The following CHFR variants were observed in gnomAD, a reference collection of about 807,000 sequenced individuals.
The protein encoded by CHFR is checkpoint with forkhead and ring finger domains.
Under a neutral mutation model 87.6 loss-of-function variants are expected in CHFR, and 57 were observed. That is an observed-to-expected ratio of 0.65 (90% CI 0.53 to 0.81). The LOEUF is 0.81. Among genes scored for constraint, CHFR ranks in the 30% least tolerant of loss-of-function variants. CHFR has a pLI of 0.00. For missense variants in CHFR, 797 were observed against 865.8 expected, an observed-to-expected ratio of 0.92 and a Z score of 1.00; for synonymous variants, 381 against 359.2, an observed-to-expected ratio of 1.06 and a Z score of -0.69.
chr12:132,843,176 G>T, intron 16 of CHFR, 93 bp from the exon 17 acceptor site: 2 of 1,161,848 alleles, frequency 1.7e-6, no homozygotes, highest in East Asian at 4.9e-5. Flanking sequence ...GACAGACGCT[G>T]CGGTGGAAAC....
chr12:132,878,053 T>G (rs1000968375), intron 2 of CHFR, among the ~76,000 whole-genome samples: 1 of 152,056 alleles, frequency 6.6e-6, no homozygotes, highest in Middle Eastern at 3.4e-3. Context: ...CTGCCCACCT[T>G]GGCCTCCCAA....
At chr12:132,862,439 A>G (rs1951233271) in intron 6 of CHFR, 2 of 452,378 alleles carry the variant, frequency 4.4e-6, no homozygotes, top group Admixed American at 2.4e-5. Flanking sequence ...CAAAAAATAC[A>G]AAAAAGAAAA....
At chr12:132,887,378 C>G in intron 1 of CHFR, 38 bp from the exon 2 acceptor site, 5 of 1,267,798 alleles carry the variant, frequency 3.9e-6, no homozygotes, top group Non-Finnish European at 5.0e-6. Flanking sequence ...AGACTCCCGA[C>G]CCCAGAGGCC....
intron 6 of CHFR, among the ~76,000 whole-genome samples, chr12:132,862,710 G>C (rs1387957027): frequency 6.6e-6 from 1 of 151,880 alleles, no homozygotes; most frequent in African/African-American, 2.4e-5. Flanking sequence ...CTCCCAAGTA[G>C]CTGGGACTAC....
At chr12:132,884,332 T>C (rs886229955) in intron 2 of CHFR, among the ~76,000 whole-genome samples, 11 of 151,646 alleles carry the variant, frequency 7.3e-5, no homozygotes, top group African/African-American at 2.4e-4. Flanking sequence ...GGCAGGAGAA[T>C]TGCTTGAACC....
At chr12:132,853,816 T>A in intron 10 of CHFR, 1 of 507,058 alleles carries the variant, frequency 2.0e-6, no homozygotes, top group East Asian at 3.8e-5. Context: ...TGGAGCCCCA[T>A]CCCCAGGGTC....
intron 8 of CHFR, among the ~76,000 whole-genome samples, chr12:132,858,862 C>CG (rs1442429451): frequency 6.6e-6 from 1 of 150,676 alleles, no homozygotes; most frequent in Non-Finnish European, 1.5e-5. Context: ...GAGAACCGCT[C>CG]AATCCTGGGA....
chr12:132,845,464 A>G (rs12812091), intron 15 of CHFR, among the ~76,000 whole-genome samples: 2 of 144,866 alleles, frequency 1.4e-5, no homozygotes, highest in South Asian at 4.5e-4. Flanking sequence ...TCTCAAAAAA[A>G]AAAATAAATA....
At chr12:132,862,919 CAG>C (rs1229776585) in intron 6 of CHFR, among the ~76,000 whole-genome samples, 1 of 149,288 alleles carries the variant, frequency 6.7e-6, no homozygotes, top group South Asian at 2.1e-4. Context: ...TTTTTTGAGA[CAG>C]AGTCTCACTC....
chr12:132,869,714 G>T lies in CHFR; in HGVS notation c.488C>A (p.Pro163Gln), dbSNP rs1951440531. The T allele has an allele frequency of 6.4e-7, 1 of 1,551,632 alleles. No homozygotes were observed. ...SPATQVCFEE[P>Q]QPSTSTSDLF... Reference sequence around the variant, plus strand: ...GTCTGACGTCGATGTTGATGGCTGTGGTTCCTCAAAGCACACCTGAGTGGC... The same window carrying T: ...GTCTGACGTCGATGTTGATGGCTGTTGTTCCTCAAAGCACACCTGAGTGGC... Residue 163 changes from proline (P) to glutamine (Q), a missense_variant, in exon 6 of 18, where the codon CCA becomes CAA. Pro to Gln is a moderately conservative substitution (Grantham distance 76, BLOSUM62 -1). This residue lies in a region of CHFR where 597 missense variants were observed against 601.2 expected (regional missense o/e 0.99). Transcript: ENST00000450056.
chr12:132,887,331 G>A lies in CHFR; in HGVS notation c.-3C>T. ...TTGCCTTCCTCGGGCCGCTCCATCG[G>A]GATTCACATCTGCGGAGACCCCGGA... On this transcript the variant is annotated 5_prime_UTR_variant, in exon 2 of 18. Transcript: ENST00000450056. 1.4e-6 allele frequency: 2 copies of A among 1,460,316 alleles called. No individual in the cohort carries two copies. Among genetic ancestry groups the A allele is most frequent in the Non-Finnish European group, 1.8e-6 (2 of 1,112,036 alleles). 90.5% of individuals were successfully genotyped at this position (1,460,316 alleles called of 1,614,324 possible).
At chr12:132,885,782 G>A (rs542188772) in intron 2 of CHFR, among the ~76,000 whole-genome samples, 2 of 152,134 alleles carry the variant, frequency 1.3e-5, no homozygotes, top group Non-Finnish European at 2.9e-5. Context: ...GAAAGATGTC[G>A]TTAGCCCAGA....
At position 132,872,337 on chromosome 12, in the gene CHFR, T is replaced by C. The variant is rs1951509715; in HGVS notation, c.291A>G (p.Leu97=). 6.2e-7 allele frequency: 1 copy of C among 1,613,586 alleles called. No homozygotes were observed. The highest frequency in any genetic ancestry group is 1.3e-5 in the African/African-American group (1 of 74,920). The change falls in exon 4 of 18, where the codon TTA becomes TTG. Residue 97 remains leucine, a synonymous_variant. Transcript: ENST00000450056. Reference sequence around the variant, plus strand: ...CCAAGTAGATGACATCCCCAGTCTGTAAAGGGCATGTCTGCTTCTTAACAA... The same window carrying C: ...CCAAGTAGATGACATCCCCAGTCTGCAAAGGGCATGTCTGCTTCTTAACAA... The part of the protein sequence containing the change: ...LKVVKKQTCP[L]QTGDVIYLVY...
At chr12:132,872,000 G>A (rs1249586495) in intron 4 of CHFR, 2 of 382,188 alleles carry the variant, frequency 5.2e-6, no homozygotes, top group Admixed American at 8.5e-5. Context: ...TTCTTCTCCT[G>A]TAGAACCCAA....
intron 13 of CHFR, 107 bp downstream of exon 13, chr12:132,848,534 T>C: frequency 1.2e-6 from 1 of 839,614 alleles, no homozygotes; most frequent in Non-Finnish European, 1.9e-6. Flanking sequence ...AACAGTGGCC[T>C]CATCCCTATA....
At chr12:132,876,418 T>G (rs1264440663) in intron 3 of CHFR, among the ~76,000 whole-genome samples, 1 of 152,176 alleles carries the variant, frequency 6.6e-6, no homozygotes, top group East Asian at 1.9e-4. Flanking sequence ...ATTTCAGAAT[T>G]TTGATTCAGA....
intron 14 of CHFR, 167 bp from the exon 15 acceptor site, chr12:132,847,297 C>A (rs930779004): frequency 1.5e-6 from 2 of 1,379,306 alleles, no homozygotes; most frequent in East Asian, 2.8e-5. Context: ...GCCTGCAGCA[C>A]GAGAAGTCTT....
chr12:132,853,875 G>C (rs1327398449), intron 10 of CHFR: 1 of 408,358 alleles, frequency 2.4e-6, no homozygotes, highest in Non-Finnish European at 4.4e-6. Flanking sequence ...CCAGAGCAGG[G>C]CAAGGGCCAG....
Position 132,839,562 on chromosome 12 carries a change from C to G in CHFR, c.*1992G>C, listed in dbSNP as rs1208198011. On this transcript the variant is annotated 3_prime_UTR_variant, in exon 18 of 18. Coordinates refer to ENST00000450056, the MANE Select transcript of CHFR (RefSeq NM_001161346.2). ...CCCGCACTAACTCAGGACCTCCCCT[C>G]TTGGCCTCACCCCTGCACAAATTTG... 1 of 160,230 alleles carries G rather than the reference C, an allele frequency of 6.2e-6. No individual in the cohort carries two copies. The highest frequency in any genetic ancestry group is 1.3e-5 in the Non-Finnish European group (1 of 75,940). 9.9% of individuals were successfully genotyped at this position (160,230 alleles called of 1,614,324 possible). A position where few individuals can be genotyped will look rare whatever the true frequency, so the allele number is the denominator to read the frequency against.
Sources: allele counts gnomAD v4.1 joint callset (sites outside exome capture counted in the v4.1 genomes callset), GRCh38; gene constraint gnomAD v4.1.1; regional missense constraint gnomAD v4.1.1; transcripts MANE v1.5; gene names NCBI Gene and HGNC (gene_info 2026-07-23, HGNC 2026-07-21).